AFF3: variants seen among roughly 807,000 people sequenced by gnomAD.
The protein encoded by AFF3 is AF4/FMR2 family member 3.
A neutral mutation model predicts 129.7 loss-of-function variants in AFF3; 32 were observed. That is an observed-to-expected ratio of 0.25 (90% CI 0.19 to 0.33). AFF3 has a LOEUF of 0.33. Among genes scored for constraint, AFF3 ranks in the 10% least tolerant of loss-of-function variants. The pLI is 1.00. For missense variants in AFF3, 1,373 were observed against 1,592.0 expected (o/e 0.86, Z 2.34); for synonymous variants, 644 against 635.4 (o/e 1.01, Z -0.20).
chr2:99,879,601 A>C (rs1347126747), intron 7 of AFF3, among the ~76,000 whole-genome samples: 2 of 152,194 alleles, frequency 1.3e-5, no homozygotes, highest in African/African-American at 4.8e-5. Context: ...AGTTTGCTCC[A>C]AGTCAACAGG....
intron 7 of AFF3, among the ~76,000 whole-genome samples, chr2:99,986,496 C>T (rs371795506): frequency 4.6e-5 from 7 of 152,036 alleles, no homozygotes; most frequent in Non-Finnish European, 8.8e-5. Flanking sequence ...TTATTTAGTA[C>T]TTTAAACTGA....
chr2:99,979,381 A>G (rs571277087), intron 7 of AFF3, among the ~76,000 whole-genome samples: 31 of 152,296 alleles, frequency 2.0e-4, no homozygotes, highest in African/African-American at 7.5e-4. Context: ...GAGGCTGAGA[A>G]TATTTAGATT....
chr2:99,724,290 T>TTTTTTTTTTTTTTTTA (rs1679176674), intron 11 of AFF3, among the ~76,000 whole-genome samples: 1 of 145,554 alleles, frequency 6.9e-6, no homozygotes. Context: ...TTTTTTTTTT[T>TTTTTTTTTTTTTTTTA]GAGACACAGT....
Position 99,828,598 on chromosome 2 carries a change from G to A in AFF3, c.921+8879C>T, listed in dbSNP as rs1290059075. Among the ~76,000 whole-genome samples the A allele has an allele frequency of 2.0e-5, 3 of 152,292 alleles. No homozygotes were observed. In the East Asian group the frequency reaches 5.8e-4, roughly 29 times the overall value. ...AAAGGGGGCCATGACTCAGTATAAC[G>A]ATCCCAGCCACAGGCTGAAACCAGC... is the stretch of plus-strand genomic sequence containing the variant. On this transcript the variant is annotated intron_variant, in intron 8 of 24. Transcript: ENST00000672756.
At chr2:99,826,492 A>G (rs549886588) in intron 8 of AFF3, among the ~76,000 whole-genome samples, 1 of 152,334 alleles carries the variant, frequency 6.6e-6, no homozygotes, top group Non-Finnish European at 1.5e-5. Context: ...TTTGGGAATC[A>G]CAAAGGCTTC....
chr2:100,006,757 T>C lies in AFF3; in HGVS notation c.748A>G (p.Lys250Glu). 2 of 1,614,178 alleles carry C rather than the reference T, an allele frequency of 1.2e-6. No individual in the cohort carries two copies. The highest frequency in any genetic ancestry group is 2.2e-5 in the South Asian group (2 of 91,082). ...GQDQAPDESP[K>E]LKSSSETSVH... ...CTGGTTTCCGAAGACGACTTCAGCT[T>C]AGGAGACTCATCAGGGGCCTGATCT... Residue 250 changes from lysine to glutamate, a missense_variant, in exon 7 of 25, where the codon AAG becomes GAG. Coordinates refer to ENST00000672756, the MANE Select transcript of AFF3 (RefSeq NM_001386135.1).
chr2:99,956,058 G>C (rs1351727757), intron 7 of AFF3, among the ~76,000 whole-genome samples: 1 of 151,026 alleles, frequency 6.6e-6, no homozygotes, highest in African/African-American at 2.4e-5. Flanking sequence ...GAAAAACTGA[G>C]AACTGTGTGT....
intron 8 of AFF3, among the ~76,000 whole-genome samples, chr2:99,829,465 G>C (rs1220491948): frequency 6.6e-6 from 1 of 152,130 alleles, no homozygotes; most frequent in Non-Finnish European, 1.5e-5. Flanking sequence ...ATCAAAAAGT[G>C]GGCGAAGGAT....
chr2:99,551,461 C>G lies in AFF3; in HGVS notation c.*13G>C. On this transcript the variant is annotated 3_prime_UTR_variant, in exon 25 of 25. Coordinates refer to ENST00000672756, the MANE Select transcript of AFF3 (RefSeq NM_001386135.1). Reference sequence around the variant, plus strand: ...TGGAGACCAGAGCCCACTCTGGCCCCAGGGTGAGGTCCCTATGACAGGTGG... The same window carrying G: ...TGGAGACCAGAGCCCACTCTGGCCCGAGGGTGAGGTCCCTATGACAGGTGG... 6.2e-7 allele frequency: 1 copy of G among 1,613,908 alleles called. No individual in the cohort carries two copies. The highest frequency in any genetic ancestry group is 1.1e-5 in the South Asian group (1 of 91,046).
In AFF3 at chr2:99,554,335, C is replaced by A; in HGVS notation, c.3535G>T (p.Asp1179Tyr). The change falls in exon 24 of 25, where the codon GAC (aspartate) becomes TAC (tyrosine). Residue 1179 changes from aspartate (D) to tyrosine (Y), a missense_variant. Physicochemically the swap from Asp to Tyr is radical, Grantham distance 160. Transcript: ENST00000672756. The stretch of plus-strand genomic sequence containing the variant: ...CCTCGGTTTTCCTTGGCCAGGTTGT[C>A]GGCCATCTCCCAGTAGTCGTAGCTG... ...LHSYDYWEMA[D>Y]NLAKENREFF... 1.2e-6 allele frequency: 2 copies of A among 1,614,182 alleles called. No homozygotes were observed. Among genetic ancestry groups the A allele is most frequent in the South Asian group, 1.1e-5 (1 of 91,074 alleles).
At chr2:100,108,982 C>T (rs1386810270) in intron 2 of AFF3, among the ~76,000 whole-genome samples, 1 of 135,576 alleles carries the variant, frequency 7.4e-6, no homozygotes, top group African/African-American at 2.8e-5. Context: ...CCCAAAGTTT[C>T]CCGCATCCTC....
chr2:100,037,358 T>C (rs895451218), intron 4 of AFF3, among the ~76,000 whole-genome samples: 1 of 146,198 alleles, frequency 6.8e-6, no homozygotes, highest in African/African-American at 2.5e-5. Flanking sequence ...CAAATAGGAA[T>C]ACACATATTT....
At chr2:99,763,994 T>C (rs1682815424) in intron 8 of AFF3, among the ~76,000 whole-genome samples, 1 of 152,202 alleles carries the variant, frequency 6.6e-6, no homozygotes, top group African/African-American at 2.4e-5. Flanking sequence ...AGGTTAATCA[T>C]CAAAGGATAA....
intron 4 of AFF3, among the ~76,000 whole-genome samples, chr2:100,050,641 A>G (rs955770573): frequency 6.6e-6 from 1 of 152,232 alleles, no homozygotes; most frequent in Non-Finnish European, 1.5e-5. Flanking sequence ...ACTGTGCACA[A>G]GTGTGCAAAA....
intron 7 of AFF3, among the ~76,000 whole-genome samples, chr2:99,871,697 A>G (rs1691876376): frequency 6.6e-6 from 1 of 152,218 alleles, no homozygotes; most frequent in Non-Finnish European, 1.5e-5. Flanking sequence ...TCACATTAAA[A>G]TCTACTGGTC....
At chr2:99,570,874 G>A (rs564862221) in intron 18 of AFF3, among the ~76,000 whole-genome samples, 1 of 152,314 alleles carries the variant, frequency 6.6e-6, no homozygotes, top group Admixed American at 6.5e-5. Context: ...TGCCTTCTAG[G>A]AGCCGAATGT....
Position 99,551,308 on chromosome 2 carries a change from C to T in AFF3, c.*166G>A. The T allele has an allele frequency of 1.0e-5, 10 of 961,432 alleles. No homozygotes were observed. The South Asian group carries it at 1.5e-4, about 15-fold the overall frequency. 59.6% of individuals were successfully genotyped at this position (961,432 alleles called of 1,614,324 possible). A position where few individuals can be genotyped will look rare whatever the true frequency, so the allele number is the denominator to read the frequency against. ...ATACACAGGCGGCTTCTTATATACCCACACATACAAACACACATGCCCTGC... is the reference window on the plus strand; with the variant it reads ...ATACACAGGCGGCTTCTTATATACCTACACATACAAACACACATGCCCTGC... On this transcript the variant is annotated 3_prime_UTR_variant, in exon 25 of 25. Transcript: ENST00000672756.
chr2:99,635,625 C>T (rs1215378415), intron 13 of AFF3, among the ~76,000 whole-genome samples: 1 of 152,160 alleles, frequency 6.6e-6, no homozygotes. Context: ...TTCAAGGGCA[C>T]TCAGGTTGAT....
intron 8 of AFF3, among the ~76,000 whole-genome samples, chr2:99,766,241 G>A (rs1683003906): frequency 6.6e-6 from 1 of 152,234 alleles, no homozygotes. Context: ...CAGAGGGAAG[G>A]TTAGGACAAT....
Sources: allele counts gnomAD v4.1 joint callset (sites outside exome capture counted in the v4.1 genomes callset), GRCh38; gene constraint gnomAD v4.1.1; transcripts MANE v1.5; gene names NCBI Gene and HGNC (gene_info 2026-07-23, HGNC 2026-07-21).